ABRAXAS1: variants seen among roughly 807,000 people sequenced by gnomAD.
ABRAXAS1 encodes the protein BRCA1-A complex subunit Abraxas 1.
ABRAXAS1 carries 26 observed loss-of-function variants against 38.4 expected under a neutral mutation model. The observed-to-expected ratio is 0.68, with a 90% CI of 0.50 to 0.94. ABRAXAS1 has a LOEUF of 0.94. Among genes scored for constraint, ABRAXAS1 ranks in the 40% least tolerant of loss-of-function variants. The pLI, the probability that ABRAXAS1 is intolerant of heterozygous loss-of-function variation, is 0.00. For missense variants in ABRAXAS1, 438 were observed against 481.9 expected (o/e 0.91, Z 0.85); for synonymous variants, 144 against 165.5 (o/e 0.87, Z 1.00).
At chr4:83,465,636 A>G (rs1224424777) in intron 7 of ABRAXAS1, among the ~76,000 whole-genome samples, 1 of 152,042 alleles carries the variant, frequency 6.6e-6, no homozygotes, top group Non-Finnish European at 1.5e-5. Context: ...AAAATACAAA[A>G]AATTAGCTGG....
intron 8 of ABRAXAS1, 21 bp downstream of exon 8, chr4:83,463,473 A>C: frequency 3.7e-4 from 523 of 1,408,658 alleles, no homozygotes; most frequent in Non-Finnish European, 4.6e-4. Flanking sequence ...CACAGAAAGT[A>C]GAGATGTGTT....
At chr4:83,466,943 G>C (rs1245487612) in intron 7 of ABRAXAS1, 1 of 153,186 alleles carries the variant, frequency 6.5e-6, no homozygotes, top group African/African-American at 2.4e-5. Context: ...AAAAGGAGTA[G>C]AGCTACAGCC....
At chr4:83,464,833 T>C (rs1722287116) in intron 7 of ABRAXAS1, among the ~76,000 whole-genome samples, 1 of 152,206 alleles carries the variant, frequency 6.6e-6, no homozygotes, top group African/African-American at 2.4e-5. Context: ...TCTGGAAGGA[T>C]AGCAATGTGC....
chr4:83,480,513 A>T (rs1722960763), intron 2 of ABRAXAS1: 2 of 221,580 alleles, frequency 9.0e-6, no homozygotes, highest in African/African-American at 2.4e-5. Flanking sequence ...TAAATTTTTT[A>T]TTTCCTACTT....
chr4:83,483,020 T>C (rs1325635002), intron 1 of ABRAXAS1, among the ~76,000 whole-genome samples: 2 of 152,228 alleles, frequency 1.3e-5, no homozygotes, highest in Non-Finnish European at 1.5e-5. Flanking sequence ...TTTAACCACA[T>C]GTGCTTCTGG....
At chr4:83,476,170 C>A (rs1722761584) in intron 3 of ABRAXAS1, among the ~76,000 whole-genome samples, 1 of 152,054 alleles carries the variant, frequency 6.6e-6, no homozygotes, top group East Asian at 1.9e-4. Flanking sequence ...CCACTGCACT[C>A]CAGCCTGAGT....
chr4:83,459,637 T>C lies in ABRAXAS1; in HGVS notation c.*2832A>G, dbSNP rs1722001701. 1.0e-6 allele frequency: 1 copy of C among 970,402 alleles called. No individual in the cohort carries two copies. Among genetic ancestry groups the C allele is most frequent in the African/African-American group, 1.6e-5 (1 of 60,846 alleles). The allele number at this position is 970,402 out of a possible 1,614,324, so 60.1% of individuals were successfully genotyped here. On this transcript the variant is annotated 3_prime_UTR_variant, in exon 9 of 9. Coordinates refer to ENST00000321945, the MANE Select transcript of ABRAXAS1 (RefSeq NM_139076.3). The stretch of plus-strand genomic sequence containing the variant: ...TATTTTATGAAATGTGTCTGAAATT[T>C]AGTAAAGCTTTATATAACCTGAAGG...
At chr4:83,480,432 G>A in intron 2 of ABRAXAS1, 1 of 300,946 alleles carries the variant, frequency 3.3e-6, no homozygotes, top group South Asian at 2.6e-5. Context: ...ACATTTGTGT[G>A]TTTTATGAAT....
At chr4:83,471,150 C>A (rs928777556) in intron 4 of ABRAXAS1, among the ~76,000 whole-genome samples, 5 of 142,322 alleles carry the variant, frequency 3.5e-5, no homozygotes, top group Non-Finnish European at 6.2e-5. Context: ...GGGGAAAAAA[C>A]ACAAGCATTT....
rs757308496 is a variant in ABRAXAS1 at position 83,485,061 on chromosome 4, C to A, written c.12G>T (p.Glu4Asp). MEG[E>D]STSAVLSGFV... ...AGCCCGAGAGCACCGCCGACGTACTCTCCCCCTCCATGCTACCGCCGCCTC... is the reference window on the plus strand; with the variant it reads ...AGCCCGAGAGCACCGCCGACGTACTATCCCCCTCCATGCTACCGCCGCCTC... The change falls in exon 1 of 9, where the codon GAG (glutamate) becomes GAT (aspartate). Residue 4 changes from glutamate to aspartate, a missense_variant. By Grantham distance (45) the Glu-to-Asp change is conservative. Around this residue, in one of 3 missense-constraint regions of ABRAXAS1, gnomAD observed 60 missense variants for 31.1 expected, o/e 1.93. Coordinates refer to ENST00000321945, the MANE Select transcript of ABRAXAS1 (RefSeq NM_139076.3). 3.8e-6 allele frequency: 6 copies of A among 1,590,212 alleles called. No homozygotes were observed. Among genetic ancestry groups the A allele is most frequent in the South Asian group, 1.1e-5 (1 of 88,608 alleles).
chr4:83,469,889 TTAAATTC>T (rs550889518), intron 5 of ABRAXAS1: 3 of 187,932 alleles, frequency 1.6e-5, no homozygotes, highest in Admixed American at 5.9e-5. Context: ...GTATCTAGGC[TTAAATTC>T]TAAATTCTAA....
chr4:83,471,065 T>C (rs1722564053), intron 4 of ABRAXAS1, among the ~76,000 whole-genome samples: 1 of 152,168 alleles, frequency 6.6e-6, no homozygotes, highest in Admixed American at 6.5e-5. Flanking sequence ...ACATTTGAAT[T>C]GAGGAAATTA....
chr4:83,480,190 GA>G (rs1390660806), intron 2 of ABRAXAS1: 3 of 239,744 alleles, frequency 1.3e-5, no homozygotes, highest in Non-Finnish European at 2.6e-5. Context: ...CCAACATGGT[GA>G]AACCCCATCT....
At chr4:83,482,373 C>G in intron 1 of ABRAXAS1, 129 bp from the exon 2 acceptor site, 2 of 521,434 alleles carry the variant, frequency 3.8e-6, no homozygotes, top group Non-Finnish European at 3.4e-6. Context: ...TATGAAAGAT[C>G]TGAGATGCTT....
Position 83,461,869 on chromosome 4 carries a change from A to G in ABRAXAS1, c.*600T>C, listed in dbSNP as rs1722131768. The G allele has an allele frequency of 4.4e-6, 1 of 228,922 alleles. No individual in the cohort carries two copies. The highest frequency in any genetic ancestry group is 6.3e-5 in the East Asian group (1 of 15,842). The allele number at this position is 228,922 out of a possible 1,614,324, so 14.2% of individuals were successfully genotyped here. A position where few individuals can be genotyped will look rare whatever the true frequency, so the allele number is the denominator to read the frequency against. On this transcript the variant is annotated 3_prime_UTR_variant, in exon 9 of 9. Coordinates refer to ENST00000321945, the MANE Select transcript of ABRAXAS1 (RefSeq NM_139076.3). ...ATTAAGGCTGCCAGATTTAGCAAGT[A>G]CAAATGTAGGACAAATTTAAATTTT...
rs941211611 is a variant in ABRAXAS1 at position 83,462,498 on chromosome 4, C to A, written c.1201G>T (p.Gly401Cys). The part of the protein sequence containing the change: ...DEEIEKMKGF[G>C]EYSRSPTF ...AATGTAGGAGACCGTGAATATTCAC[C>A]AAAACCCTTCATCTTTTCAATTTCT... Residue 401 changes from glycine to cysteine, a missense_variant, in exon 9 of 9, where the codon GGT becomes TGT. Around this residue, in one of 3 missense-constraint regions of ABRAXAS1, gnomAD observed 184 missense variants for 181.9 expected, o/e 1.01. Coordinates refer to ENST00000321945, the MANE Select transcript of ABRAXAS1 (RefSeq NM_139076.3). 1 of 1,613,296 alleles carries A rather than the reference C, an allele frequency of 6.2e-7. No homozygotes were observed. Among genetic ancestry groups the A allele is most frequent in the Non-Finnish European group, 8.5e-7 (1 of 1,179,782 alleles).
chr4:83,481,188 A>G (rs944773998), intron 2 of ABRAXAS1, among the ~76,000 whole-genome samples: 2 of 152,196 alleles, frequency 1.3e-5, no homozygotes, highest in African/African-American at 4.8e-5. Flanking sequence ...GCAACATTGT[A>G]AAGTGATCAT....
chr4:83,481,106 T>C (rs1330099120), intron 2 of ABRAXAS1, among the ~76,000 whole-genome samples: 7 of 151,376 alleles, frequency 4.6e-5, no homozygotes, highest in African/African-American at 9.7e-5. Context: ...CACTCCAGCC[T>C]GGGCAACAGA....
Position 83,459,822 on chromosome 4 carries a change from T to C in ABRAXAS1, c.*2647A>G, listed in dbSNP as rs1181671623. On this transcript the variant is annotated 3_prime_UTR_variant, in exon 9 of 9. Transcript: ENST00000321945. Reference sequence around the variant, plus strand: ...GGTATGTTCTTTTTTATTATGGGAATATAAATGTAGATACGAATTATATCA... The same window carrying C: ...GGTATGTTCTTTTTTATTATGGGAACATAAATGTAGATACGAATTATATCA... The C allele has an allele frequency of 6.5e-7, 1 of 1,529,916 alleles. No homozygotes were observed. The highest frequency in any genetic ancestry group is 9.0e-7 in the Non-Finnish European group (1 of 1,115,306). 94.8% of individuals were successfully genotyped at this position (1,529,916 alleles called of 1,614,324 possible). A position where few individuals can be genotyped will look rare whatever the true frequency, so the allele number is the denominator to read the frequency against.
Sources: allele counts gnomAD v4.1 joint callset (sites outside exome capture counted in the v4.1 genomes callset), GRCh38; gene constraint gnomAD v4.1.1; regional missense constraint gnomAD v4.1.1; transcripts MANE v1.5; gene names NCBI Gene and HGNC (gene_info 2026-07-23, HGNC 2026-07-21).